PKIG: variants seen among roughly 807,000 people sequenced by gnomAD.
The protein encoded by PKIG is protein kinase (cAMP-dependent, catalytic) inhibitor gamma.
PKIG carries 1 observed loss-of-function variant against 6.8 expected under a neutral mutation model. The ratio of observed to expected loss-of-function variants is 0.15; its 90% CI spans 0.05 to 0.69. The LOEUF (loss-of-function observed/expected upper bound fraction) is 0.69. Ranked by LOEUF, PKIG falls within the 30% of genes least tolerant of loss-of-function variation. The pLI is 0.82. For synonymous variants in PKIG, 39 were observed against 43.0 expected (o/e 0.91, Z 0.36); for missense variants, 77 against 104.0 (o/e 0.74, Z 1.13).
At chr20:44,561,114 G>T (rs2064763196) in intron 1 of PKIG, among the ~76,000 whole-genome samples, 1 of 152,232 alleles carries the variant, frequency 6.6e-6, no homozygotes. Flanking sequence ...TAGGCAGGTG[G>T]ATCACCAGGT....
At chr20:44,557,520 CAAA>C (rs3091847) in intron 1 of PKIG, among the ~76,000 whole-genome samples, 9 of 63,536 alleles carry the variant, frequency 1.4e-4, no homozygotes, top group Admixed American at 1.9e-4. Flanking sequence ...TGACAGGTGA[CAAA>C]AAAAAAAAAA....
intron 1 of PKIG, among the ~76,000 whole-genome samples, chr20:44,549,389 TAC>T (rs2064647300): frequency 6.6e-6 from 1 of 152,222 alleles, no homozygotes; most frequent in Non-Finnish European, 1.5e-5. Flanking sequence ...AATGTTCTAT[TAC>T]ACAGTCTTTT....
intron 2 of PKIG, among the ~76,000 whole-genome samples, chr20:44,612,773 C>T (rs1358478050): frequency 1.3e-5 from 2 of 152,202 alleles, no homozygotes; most frequent in African/African-American, 4.8e-5. Context: ...TTATTTCACC[C>T]TTCCCTTTAG....
At chr20:44,603,360 A>G (rs1275769501) in intron 2 of PKIG, among the ~76,000 whole-genome samples, 2 of 152,130 alleles carry the variant, frequency 1.3e-5, no homozygotes, top group African/African-American at 4.8e-5. Context: ...TCACCATCTT[A>G]TTGAATCTTC....
chr20:44,591,032 A>G (rs1287185167), intron 2 of PKIG, among the ~76,000 whole-genome samples: 1 of 152,230 alleles, frequency 6.6e-6, no homozygotes, highest in Non-Finnish European at 1.5e-5. Context: ...ACAAAGCAAA[A>G]GTGGCACAGT....
chr20:44,539,488 C>T (rs1281510842), intron 1 of PKIG, among the ~76,000 whole-genome samples: 7 of 151,164 alleles, frequency 4.6e-5, no homozygotes, highest in African/African-American at 4.9e-5. Flanking sequence ...GGCGTGATCT[C>T]GGCTCACTGC....
chr20:44,596,469 G>A (rs2065075970), intron 2 of PKIG, among the ~76,000 whole-genome samples: 1 of 152,194 alleles, frequency 6.6e-6, no homozygotes, highest in African/African-American at 2.4e-5. Flanking sequence ...AAGGGCTTAG[G>A]AACCTTGAGT....
chr20:44,605,587 T>A (rs2065157554), intron 2 of PKIG, among the ~76,000 whole-genome samples: 1 of 151,686 alleles, frequency 6.6e-6, no homozygotes, highest in Non-Finnish European at 1.5e-5. Flanking sequence ...AAATTCTAGA[T>A]CAAAGATTTA....
At chr20:44,551,967 G>A (rs775610705) in intron 1 of PKIG, among the ~76,000 whole-genome samples, 2 of 152,120 alleles carry the variant, frequency 1.3e-5, no homozygotes, top group South Asian at 2.1e-4. Flanking sequence ...GTGTCTCCCC[G>A]TGTATTGGAA....
chr20:44,534,688 C>T (rs891366167), intron 1 of PKIG, among the ~76,000 whole-genome samples: 7 of 152,180 alleles, frequency 4.6e-5, no homozygotes, highest in East Asian at 1.9e-4. Context: ...AGGCTGGTCT[C>T]GAACTCCAGA....
intron 1 of PKIG, among the ~76,000 whole-genome samples, chr20:44,562,325 A>G (rs1311706992): frequency 1.3e-5 from 2 of 152,124 alleles, no homozygotes; most frequent in Non-Finnish European, 1.5e-5. Flanking sequence ...AAAATCAAGA[A>G]TGAAAAAGAG....
intron 3 of PKIG, among the ~76,000 whole-genome samples, chr20:44,615,806 T>C (rs1468552073): frequency 1.3e-5 from 2 of 152,074 alleles, no homozygotes; most frequent in African/African-American, 2.4e-5. Context: ...TGCCGGGGCT[T>C]GGACCCAGCC....
chr20:44,552,604 CTA>C (rs1255043590), intron 1 of PKIG, among the ~76,000 whole-genome samples: 3 of 152,132 alleles, frequency 2.0e-5, no homozygotes, highest in African/African-American at 7.2e-5. Context: ...GGTGCTGCCA[CTA>C]TGCAACTGTA....
intron 1 of PKIG, among the ~76,000 whole-genome samples, chr20:44,532,965 C>T (rs1171403300): frequency 6.6e-6 from 1 of 152,050 alleles, no homozygotes; most frequent in Non-Finnish European, 1.5e-5. Context: ...AGCAGGTGCT[C>T]CTCCTGAAAG....
intron 2 of PKIG, among the ~76,000 whole-genome samples, chr20:44,604,045 G>A (rs924385773): frequency 6.6e-6 from 1 of 151,984 alleles, no homozygotes; most frequent in Non-Finnish European, 1.5e-5. Context: ...GGGGTGGTGA[G>A]GAATAAGTGA....
intron 1 of PKIG, among the ~76,000 whole-genome samples, chr20:44,571,469 G>A (rs1017358939): frequency 6.6e-6 from 1 of 152,148 alleles, no homozygotes; most frequent in African/African-American, 2.4e-5. Flanking sequence ...TCCTCTCCCT[G>A]TGTTAATTGT....
chr20:44,615,362 ACT>A (rs1482459666), intron 3 of PKIG, among the ~76,000 whole-genome samples: 1 of 151,774 alleles, frequency 6.6e-6, no homozygotes, highest in East Asian at 1.9e-4. Flanking sequence ...GACCCTCATC[ACT>A]CTCTGACAAG....
intron 1 of PKIG, among the ~76,000 whole-genome samples, chr20:44,559,111 CT>C (rs1459055198): frequency 6.6e-6 from 1 of 152,122 alleles, no homozygotes; most frequent in African/African-American, 2.4e-5. Flanking sequence ...TTAAAATAAA[CT>C]TTTAAAAAAT....
chr20:44,580,269 C>T (rs2064936274), upstream of PKIG, among the ~76,000 whole-genome samples: 1 of 152,116 alleles, frequency 6.6e-6, no homozygotes, highest in African/African-American at 2.4e-5. Flanking sequence ...CAGAAGGAAG[C>T]CCACATCTCT....
Sources: allele counts gnomAD v4.1 joint callset (sites outside exome capture counted in the v4.1 genomes callset), GRCh38; gene constraint gnomAD v4.1.1; transcripts MANE v1.5; gene names NCBI Gene and HGNC (gene_info 2026-07-23, HGNC 2026-07-21).